CTNNA3: variants seen among roughly 807,000 people sequenced by gnomAD.
CTNNA3 encodes catenin alpha-3.
Under a neutral mutation model 95.7 loss-of-function variants are expected in CTNNA3, and 76 were observed. The observed-to-expected ratio is 0.79, with a 90% CI of 0.66 to 0.96. CTNNA3 has a LOEUF of 0.96. CTNNA3 is among the 40% of genes least tolerant of loss of function. The probability of loss-of-function intolerance (pLI) is 0.00; values close to 1 mark genes in which losing one functional copy is unlikely to be tolerated. For missense variants in CTNNA3, 1,191 were observed against 1,089.8 expected (o/e 1.09, Z -1.31); for synonymous variants, 431 against 374.4 (o/e 1.15, Z -1.74).
chr10:67,003,922 TG>T (rs963124665), intron 7 of CTNNA3, among the ~76,000 whole-genome samples: 1 of 152,188 alleles, frequency 6.6e-6, no homozygotes, highest in African/African-American at 2.4e-5. Context: ...ACCTTGCACA[TG>T]TTTTTTATTG....
At chr10:67,042,109 A>G (rs894741240) in intron 7 of CTNNA3, among the ~76,000 whole-genome samples, 2 of 152,170 alleles carry the variant, frequency 1.3e-5, no homozygotes, top group African/African-American at 2.4e-5. Flanking sequence ...TAAACAGGAG[A>G]AAACTATGAA....
intron 7 of CTNNA3, among the ~76,000 whole-genome samples, chr10:66,978,645 GA>G (rs1179297020): frequency 2.8e-5 from 4 of 144,098 alleles, no homozygotes; most frequent in Non-Finnish European, 6.0e-5. Flanking sequence ...TAAAAAGAGA[GA>G]AAAAAACAGA....
intron 1 of CTNNA3, among the ~76,000 whole-genome samples, chr10:67,740,860 G>A (rs1206049558): frequency 2.0e-5 from 3 of 151,130 alleles, no homozygotes; most frequent in African/African-American, 4.8e-5. Flanking sequence ...ACATGCACAC[G>A]TATGTTTATT....
At chr10:66,043,956 CTGTGTGTGTGTGTG>C (rs59559225) in intron 15 of CTNNA3, among the ~76,000 whole-genome samples, 51 of 144,426 alleles carry the variant, frequency 3.5e-4, no homozygotes, top group South Asian at 1.1e-3. Context: ...TAGGACTATG[CTGTGTGTGTGTGTG>C]TGTGTGTGTG....
Position 66,927,382 on chromosome 10 carries a change from T to C in CTNNA3, c.1048-151858A>G. 6.2e-7 allele frequency: 1 copy of C among 1,614,206 alleles called. No homozygotes were observed. Among genetic ancestry groups the C allele is most frequent in the Non-Finnish European group, 8.5e-7 (1 of 1,180,030 alleles). On this transcript the variant is annotated intron_variant, in intron 7 of 17. Transcript: ENST00000433211. The surrounding 1 kb of genome is among the most constrained non-coding windows in gnomAD (Gnocchi z 4.7). The stretch of plus-strand genomic sequence containing the variant: ...TCTGGGATCTGAACAGTTTCGGGGC[T>C]TGCGGAAGCTGCTGAGTTTACATTT...
intron 7 of CTNNA3, among the ~76,000 whole-genome samples, chr10:67,046,630 A>G (rs1854762820): frequency 6.6e-6 from 1 of 152,196 alleles, no homozygotes; most frequent in Non-Finnish European, 1.5e-5. Context: ...CAGGAAAAAA[A>G]AATGTAATTT....
intron 7 of CTNNA3, among the ~76,000 whole-genome samples, chr10:67,163,345 A>G (rs1238827137): frequency 1.3e-5 from 2 of 152,066 alleles, no homozygotes; most frequent in Admixed American, 6.6e-5. Flanking sequence ...CCATATTAAC[A>G]AACTAAACAA....
intron 11 of CTNNA3, among the ~76,000 whole-genome samples, chr10:66,436,501 CTTTTTTTTTT>C (rs34165061): frequency 1.7e-5 from 1 of 60,370 alleles, no homozygotes; most frequent in Non-Finnish European, 3.2e-5. Flanking sequence ...ACAATCCCTG[CTTTTTTTTTT>C]TTTTTTTTTT....
chr10:66,975,024 G>A (rs566130646), intron 7 of CTNNA3, among the ~76,000 whole-genome samples: 3 of 152,276 alleles, frequency 2.0e-5, no homozygotes, highest in African/African-American at 7.2e-5. Flanking sequence ...AGCTCTTGAT[G>A]AAGAGGAGAT....
chr10:66,736,108 A>C (rs938454186), intron 9 of CTNNA3, among the ~76,000 whole-genome samples: 46 of 152,298 alleles, frequency 3.0e-4, no homozygotes, highest in African/African-American at 1.0e-3. Context: ...TCTCTTATTC[A>C]ACGTGCTGGG....
intron 7 of CTNNA3, among the ~76,000 whole-genome samples, chr10:67,092,002 CTTAAG>C (rs1157390256): frequency 6.6e-6 from 1 of 151,804 alleles, no homozygotes; most frequent in Non-Finnish European, 1.5e-5. Flanking sequence ...CTGAAAACCC[CTTAAG>C]TTTAGTAGAT....
At chr10:66,329,582 A>AGG (rs1564871820) in intron 12 of CTNNA3, among the ~76,000 whole-genome samples, 8 of 132,458 alleles carry the variant, frequency 6.0e-5, no homozygotes, top group Admixed American at 2.9e-4. Context: ...TTCAGGGAAA[A>AGG]AAAAAAAAAC....
At chr10:66,086,225 A>G (rs1372499601) in intron 14 of CTNNA3, among the ~76,000 whole-genome samples, 1 of 152,146 alleles carries the variant, frequency 6.6e-6, no homozygotes. Context: ...GTACTGAGAC[A>G]GGATATAGAT....
At chr10:67,566,409 C>G (rs1434097830) in intron 3 of CTNNA3, among the ~76,000 whole-genome samples, 1 of 151,504 alleles carries the variant, frequency 6.6e-6, no homozygotes, top group Non-Finnish European at 1.5e-5. Flanking sequence ...CAGCCAAAAA[C>G]ACATGAAAAA....
intron 7 of CTNNA3, among the ~76,000 whole-genome samples, chr10:66,822,973 G>A (rs1422681385): frequency 6.6e-6 from 1 of 152,168 alleles, no homozygotes; most frequent in African/African-American, 2.4e-5. Context: ...GTAACAGACA[G>A]AACAAGAAAG....
chr10:66,621,590 T>TC, intron 10 of CTNNA3, 102 bp downstream of exon 10: 2 of 597,364 alleles, frequency 3.3e-6, no homozygotes, highest in Non-Finnish European at 5.4e-6. Flanking sequence ...AGACCTGGTC[T>TC]CAAAAAAAAA....
At chr10:67,375,893 G>A (rs932601258) in intron 5 of CTNNA3, among the ~76,000 whole-genome samples, 13 of 152,260 alleles carry the variant, frequency 8.5e-5, no homozygotes, top group African/African-American at 2.9e-4. Flanking sequence ...GATATTAGAA[G>A]GTGGGACCTT....
At chr10:67,210,616 T>C (rs1173475135) in intron 6 of CTNNA3, among the ~76,000 whole-genome samples, 1 of 152,142 alleles carries the variant, frequency 6.6e-6, no homozygotes, top group Non-Finnish European at 1.5e-5. Context: ...TTTGCAGCCT[T>C]TGCTCCATTT....
intron 7 of CTNNA3, among the ~76,000 whole-genome samples, chr10:67,020,081 G>T (rs1230197948): frequency 2.0e-5 from 3 of 152,130 alleles, no homozygotes; most frequent in Non-Finnish European, 1.5e-5. Context: ...ACCTTCTCTT[G>T]CAGCACAGTC....
Sources: allele counts gnomAD v4.1 joint callset (sites outside exome capture counted in the v4.1 genomes callset), GRCh38; gene constraint gnomAD v4.1.1; non-coding constraint Gnocchi (gnomAD v3.1); transcripts MANE v1.5; gene names NCBI Gene and HGNC (gene_info 2026-07-23, HGNC 2026-07-21).